Variants in CSMD1 observed in about 807,000 individuals in gnomAD.
CSMD1 encodes the protein CUB and Sushi multiple domains 1.
Under a neutral mutation model 417.5 loss-of-function variants are expected in CSMD1, and 213 were observed. That is an observed-to-expected ratio of 0.51 (90% CI 0.46 to 0.57). CSMD1 has a LOEUF of 0.57. CSMD1 is among the 20% of genes least tolerant of loss of function. CSMD1 has a pLI of 0.00. For missense variants in CSMD1, 6,923 were observed against 4,529.7 expected, an observed-to-expected ratio of 1.53 and a Z score of -15.17; for synonymous variants, 2,862 against 1,736.8, an observed-to-expected ratio of 1.65 and a Z score of -16.11.
intron 5 of CSMD1, among the ~76,000 whole-genome samples, chr8:3,938,115 T>G (rs916823894): frequency 1.3e-5 from 2 of 152,156 alleles, no homozygotes; most frequent in Non-Finnish European, 2.9e-5. Flanking sequence ...GTGAAGCATA[T>G]AAAATGTTAG....
At chr8:3,924,019 A>T (rs571652786) in intron 5 of CSMD1, among the ~76,000 whole-genome samples, 1 of 152,228 alleles carries the variant, frequency 6.6e-6, no homozygotes, top group South Asian at 2.1e-4. Context: ...CTTGCTGCTA[A>T]TAAGTGTCCT....
chr8:2,976,281 C>G (rs1184097023), intron 55 of CSMD1, among the ~76,000 whole-genome samples: 2 of 151,910 alleles, frequency 1.3e-5, no homozygotes, highest in Non-Finnish European at 2.9e-5. Context: ...AGTGCTAAAA[C>G]TGAAAAGGCA....
intron 24 of CSMD1, 148 bp from the exon 25 acceptor site, chr8:3,307,969 T>TATTTCTTCCAAATCATTACCTCTGTG (rs1413742216): frequency 1.3e-4 from 116 of 923,772 alleles, no homozygotes; most frequent in Non-Finnish European, 1.2e-4. Context: ...ACCGTTTCAA[T>TATTTCTTCCAAATCATTACCTCTGTG]ATTTCTTCCA....
intron 5 of CSMD1, among the ~76,000 whole-genome samples, chr8:3,756,480 A>G (rs1294341304): frequency 6.6e-6 from 1 of 152,196 alleles, no homozygotes; most frequent in Non-Finnish European, 1.5e-5. Context: ...AAACACATAG[A>G]TATACACTGA....
intron 2 of CSMD1, among the ~76,000 whole-genome samples, chr8:4,435,082 A>T (rs1022633729): frequency 6.6e-6 from 1 of 152,216 alleles, no homozygotes; most frequent in East Asian, 1.9e-4. Context: ...TGTAATAAAA[A>T]TGGAAGCCAT....
chr8:4,005,131 T>A (rs562313616), intron 4 of CSMD1, among the ~76,000 whole-genome samples: 87 of 152,140 alleles, frequency 5.7e-4, no homozygotes, highest in Non-Finnish European at 1.2e-3. Context: ...CTTTGGAGAT[T>A]TGGGGGGAAG....
intron 68 of CSMD1, among the ~76,000 whole-genome samples, chr8:2,946,233 G>A (rs74846061): frequency 5.5e-4 from 83 of 152,284 alleles, no homozygotes; most frequent in Non-Finnish European, 1.1e-3. Context: ...ATTATGCGAT[G>A]CGTGACTGTC....
rs34772541 is a variant in CSMD1 at position 3,439,493 on chromosome 8, C to CTGTGTGTG, written c.1561+29211_1561+29218dup. 6.4e-4 allele frequency among the ~76,000 whole-genome samples: 93 copies of CTGTGTGTG among 145,506 alleles called. 1 individual carries two copies. The highest frequency in any genetic ancestry group is 1.1e-3 in the South Asian group (5 of 4,548). On this transcript the variant is annotated intron_variant, in intron 12 of 69. Coordinates refer to ENST00000635120, the MANE Select transcript of CSMD1 (RefSeq NM_033225.6). ...TAACTCTGTGACTCTGTGTGTGTAT[C>CTGTGTGTG]TGTGTGTGTGTGTCTGTGTGTGTGT...
At chr8:4,196,797 C>G (rs548526561) in intron 3 of CSMD1, among the ~76,000 whole-genome samples, 21 of 152,154 alleles carry the variant, frequency 1.4e-4, no homozygotes, top group Non-Finnish European at 2.9e-4. Context: ...AACCTATTCA[C>G]AGGCTCCAGG....
chr8:3,369,316 A>C lies in CSMD1; in HGVS notation c.2837T>G (p.Phe946Cys), dbSNP rs1479382218. 3 of 1,608,498 alleles carry C rather than the reference A, an allele frequency of 1.9e-6. No individual in the cohort carries two copies. Among genetic ancestry groups the C allele is most frequent in the East Asian group, 2.2e-5 (1 of 44,808 alleles). ...TAGAGAGTTTGGATAAAAATCTGGA[A>C]ACCCAGGAGAAAGGACTGTTCCACT... ...GKSGTVLSPGFPDFYPNSLNC... is the reference protein window; with the variant it reads ...GKSGTVLSPGCPDFYPNSLNC... The change falls in exon 19 of 70, where the codon TTT becomes TGT. Residue 946 changes from phenylalanine (F) to cysteine (C), a missense_variant. Phe to Cys is a radical substitution (Grantham distance 205, BLOSUM62 -2). Coordinates refer to ENST00000635120, the MANE Select transcript of CSMD1 (RefSeq NM_033225.6).
intron 5 of CSMD1, among the ~76,000 whole-genome samples, chr8:3,900,364 C>G (rs1038765180): frequency 6.7e-6 from 1 of 149,654 alleles, no homozygotes; most frequent in Non-Finnish European, 1.5e-5. Flanking sequence ...GTTGACAGCA[C>G]AGCTGTGTGA....
chr8:4,600,127 C>T (rs532764471), intron 2 of CSMD1, among the ~76,000 whole-genome samples: 1 of 152,246 alleles, frequency 6.6e-6, no homozygotes, highest in South Asian at 2.1e-4. Context: ...ACGTTCTCAG[C>T]ACTTATTGCC....
At chr8:4,434,136 G>C (rs570649794) in intron 2 of CSMD1, among the ~76,000 whole-genome samples, 34 of 152,266 alleles carry the variant, frequency 2.2e-4, no homozygotes, top group Admixed American at 5.9e-4. Flanking sequence ...TCAGGAGTTT[G>C]AGAACAGCTT....
At chr8:3,742,534 T>C (rs551178745) in intron 6 of CSMD1, among the ~76,000 whole-genome samples, 2 of 152,232 alleles carry the variant, frequency 1.3e-5, no homozygotes, top group Non-Finnish European at 2.9e-5. Context: ...GAAAATAAAA[T>C]AAACCTGCCT....
intron 3 of CSMD1, among the ~76,000 whole-genome samples, chr8:4,349,464 G>C (rs766830227): frequency 1.3e-5 from 2 of 152,084 alleles, no homozygotes; most frequent in Admixed American, 6.6e-5. Context: ...TATGTCTCAG[G>C]TTATATAGGT....
chr8:4,159,782 G>A (rs563571505), intron 3 of CSMD1, among the ~76,000 whole-genome samples: 2 of 152,226 alleles, frequency 1.3e-5, no homozygotes, highest in South Asian at 4.1e-4. Flanking sequence ...TAGAGATGGG[G>A]TTTCACCGTG....
chr8:4,955,531 C>A (rs924257196), intron 1 of CSMD1, among the ~76,000 whole-genome samples: 1 of 151,908 alleles, frequency 6.6e-6, no homozygotes, highest in Non-Finnish European at 1.5e-5. Flanking sequence ...TCTCGGCACA[C>A]TGCAACCTCC....
rs180865417 is a variant in CSMD1 at position 4,086,524 on chromosome 8, C to T, written c.416-54425G>A. 3.9e-5 allele frequency among the ~76,000 whole-genome samples: 6 copies of T among 152,332 alleles called. No individual in the cohort carries two copies. In the East Asian group the frequency reaches 9.6e-4, roughly 24 times the overall value. On this transcript the variant is annotated intron_variant, in intron 3 of 69. Transcript: ENST00000635120. ...ACTCATTACAAAAGTGACTGGTCAA[C>T]TCCCAATTTGTCAAGCTCTTAAAAT... is the stretch of plus-strand genomic sequence containing the variant.
chr8:4,579,632 T>C (rs769584814), intron 2 of CSMD1, among the ~76,000 whole-genome samples: 1 of 152,062 alleles, frequency 6.6e-6, no homozygotes, highest in Non-Finnish European at 1.5e-5. Context: ...AAAGTTCTGA[T>C]ATTACAGGTG....
Sources: allele counts gnomAD v4.1 joint callset (sites outside exome capture counted in the v4.1 genomes callset), GRCh38; gene constraint gnomAD v4.1.1; transcripts MANE v1.5; gene names NCBI Gene and HGNC (gene_info 2026-07-23, HGNC 2026-07-21).